AHI1: variants seen among roughly 807,000 people sequenced by gnomAD.
AHI1 encodes Abelson helper integration site 1, also known as jouberin.
A neutral mutation model predicts 149.3 loss-of-function variants in AHI1; 123 were observed. The ratio of observed to expected loss-of-function variants is 0.82; its 90% CI spans 0.71 to 0.96. The LOEUF (loss-of-function observed/expected upper bound fraction) is 0.96, where lower values mean the gene tolerates loss of function less well. Among genes scored for constraint, AHI1 ranks in the 40% least tolerant of loss-of-function variants. AHI1 has a pLI of 0.00. For missense variants in AHI1, 1,439 were observed against 1,422.7 expected, an observed-to-expected ratio of 1.01 and a Z score of -0.18; for synonymous variants, 475 against 459.8, an observed-to-expected ratio of 1.03 and a Z score of -0.42.
At chr6:135,358,333 T>A (rs574921361) in intron 23 of AHI1, 146 bp from the exon 24 acceptor site, 1 of 721,604 alleles carries the variant, frequency 1.4e-6, no homozygotes, top group South Asian at 1.8e-5. Context: ...CAAGATCCTT[T>A]TAAGATGTAT....
At chr6:135,328,173 T>A (rs1030560809) in intron 24 of AHI1, among the ~76,000 whole-genome samples, 1 of 152,164 alleles carries the variant, frequency 6.6e-6, no homozygotes, top group Non-Finnish European at 1.5e-5. Flanking sequence ...TAGAATTGAA[T>A]TGGAGTACAT....
chr6:135,431,004 C>A (rs1313870568), intron 17 of AHI1, among the ~76,000 whole-genome samples: 1 of 151,872 alleles, frequency 6.6e-6, no homozygotes. Flanking sequence ...TAACACCTGG[C>A]CAAAATTTTA....
chr6:135,405,487 G>T (rs1780626234), intron 21 of AHI1, among the ~76,000 whole-genome samples: 1 of 152,072 alleles, frequency 6.6e-6, no homozygotes, highest in South Asian at 2.1e-4. Context: ...GCCAAGAAAA[G>T]ATCATTTTGA....
In AHI1 at chr6:135,292,903, C is replaced by G. The variant is rs75267071; in HGVS notation, c.3486-2378G>C. On this transcript the variant is annotated intron_variant, in intron 27 of 28. Coordinates refer to ENST00000265602, the MANE Select transcript of AHI1 (RefSeq NM_001134831.2). Reference sequence around the variant, plus strand: ...TACTTCCCAACTTGTTCCATGAAGCCAGCATTATCTCCTCATCAAAATCAG... The same window carrying G: ...TACTTCCCAACTTGTTCCATGAAGCGAGCATTATCTCCTCATCAAAATCAG... Among the ~76,000 whole-genome samples the G allele has an allele frequency of 4.6e-3, 697 of 152,192 alleles. 6 individuals are homozygous for G. The highest frequency in any genetic ancestry group is 0.016 in the African/African-American group (666 of 41,534).
At chr6:135,441,925 T>C (rs1158932749) in intron 14 of AHI1, among the ~76,000 whole-genome samples, 3 of 152,162 alleles carry the variant, frequency 2.0e-5, no homozygotes, top group Non-Finnish European at 4.4e-5. Flanking sequence ...GCAAACTGTG[T>C]TAAGCTGAGG....
At chr6:135,338,498 G>GGA (rs1161974431) in intron 24 of AHI1, among the ~76,000 whole-genome samples, 1 of 152,122 alleles carries the variant, frequency 6.6e-6, no homozygotes, top group Non-Finnish European at 1.5e-5. Flanking sequence ...AAAACTCTGA[G>GGA]CTTAAGGATA....
At chr6:135,494,718 G>C (rs118069305) in intron 3 of AHI1, among the ~76,000 whole-genome samples, 1 of 152,124 alleles carries the variant, frequency 6.6e-6, no homozygotes, top group African/African-American at 2.4e-5. Context: ...CTGAAGATTT[G>C]GGAGTTATTT....
intron 24 of AHI1, among the ~76,000 whole-genome samples, chr6:135,356,551 T>C (rs564768361): frequency 5.5e-4 from 84 of 152,208 alleles, no homozygotes; most frequent in Non-Finnish European, 9.3e-4. Flanking sequence ...TACTTTGTAG[T>C]AGAGACACAG....
intron 23 of AHI1, among the ~76,000 whole-genome samples, chr6:135,387,308 G>A (rs1430022707): frequency 2.6e-5 from 4 of 152,226 alleles, no homozygotes; most frequent in African/African-American, 2.4e-5. Flanking sequence ...AAGAGAAACA[G>A]AGGCTAGCAA....
chr6:135,351,579 G>A (rs187559488), intron 24 of AHI1, among the ~76,000 whole-genome samples: 1 of 152,316 alleles, frequency 6.6e-6, no homozygotes, highest in East Asian at 1.9e-4. Context: ...GCTTCTCAAT[G>A]TGAGAAACCG....
intron 22 of AHI1, among the ~76,000 whole-genome samples, chr6:135,398,672 TCTCAAAACCTTTAC>T (rs1779598821): frequency 6.6e-6 from 1 of 152,208 alleles, no homozygotes; most frequent in Admixed American, 6.5e-5. Flanking sequence ...ATCTTGGTTT[TCTCAAAACCTTTAC>T]CTCCTTTTCT....
chr6:135,326,612 G>A (rs1010311060), intron 24 of AHI1, among the ~76,000 whole-genome samples: 2 of 151,928 alleles, frequency 1.3e-5, no homozygotes, highest in Middle Eastern at 3.4e-3. Context: ...CCAGGCTGGA[G>A]TGCAGTGGCG....
intron 28 of AHI1, among the ~76,000 whole-genome samples, chr6:135,287,353 C>G (rs996882190): frequency 6.6e-6 from 1 of 152,096 alleles, no homozygotes; most frequent in Non-Finnish European, 1.5e-5. Flanking sequence ...GATTCAGACT[C>G]AGAAGAGGAA....
chr6:135,297,611 T>G, intron 27 of AHI1: 1 of 435,498 alleles, frequency 2.3e-6, no homozygotes, highest in South Asian at 1.7e-5. Flanking sequence ...TATCTCTCAA[T>G]GCATCTAGCT....
At chr6:135,296,423 G>A (rs1783101715) in intron 27 of AHI1, among the ~76,000 whole-genome samples, 1 of 152,108 alleles carries the variant, frequency 6.6e-6, no homozygotes, top group Admixed American at 6.5e-5. Context: ...ACTTCACTTG[G>A]TGTAAAAGCC....
At chr6:135,380,802 G>A (rs777803478) in intron 23 of AHI1, among the ~76,000 whole-genome samples, 3 of 138,450 alleles carry the variant, frequency 2.2e-5, no homozygotes, top group Non-Finnish European at 3.0e-5. Flanking sequence ...ACATTTTTTG[G>A]TCCATTACAT....
chr6:135,441,675 C>T (rs2128044227), intron 14 of AHI1, among the ~76,000 whole-genome samples: 1 of 152,266 alleles, frequency 6.6e-6, no homozygotes, highest in East Asian at 1.9e-4. Flanking sequence ...AATTCTTTCA[C>T]TATCCAAAAG....
chr6:135,340,313 G>A (rs11967266), intron 24 of AHI1, among the ~76,000 whole-genome samples: 1,768 of 151,916 alleles, frequency 0.012, 27 homozygotes, highest in African/African-American at 0.039. Context: ...TGGAGGTTGC[G>A]GTAAGCTGAG....
At chr6:135,388,755 T>C (rs1289281597) in intron 23 of AHI1, among the ~76,000 whole-genome samples, 3 of 152,170 alleles carry the variant, frequency 2.0e-5, no homozygotes, top group Non-Finnish European at 4.4e-5. Context: ...CTCATGCCTG[T>C]AATCCCAGCA....
Sources: gnomAD v4.1 joint callset for allele counts (sites outside exome capture counted in the v4.1 genomes callset) on GRCh38, gnomAD v4.1.1 for gene constraint, MANE v1.5 for transcripts, NCBI Gene and HGNC (gene_info 2026-07-23, HGNC 2026-07-21) for gene names.